The following PRR14L variants were observed in gnomAD, a reference collection of about 807,000 sequenced individuals.
The protein encoded by PRR14L is protein PRR14L.
In PRR14L, 80 loss-of-function variants were observed where a neutral mutation model predicts 155.0. The ratio of observed to expected loss-of-function variants is 0.52; its 90% CI spans 0.43 to 0.62. PRR14L has a LOEUF of 0.62. Among genes scored for constraint, PRR14L ranks in the 20% least tolerant of loss-of-function variants. The probability of loss-of-function intolerance (pLI) is 0.00; values close to 1 mark genes in which losing one functional copy is unlikely to be tolerated. For missense variants in PRR14L, 2,469 were observed against 2,548.0 expected (o/e 0.97, Z 0.67); for synonymous variants, 883 against 916.0 (o/e 0.96, Z 0.65).
intron 1 of PRR14L, among the ~76,000 whole-genome samples, chr22:31,746,857 C>T (rs192165913): frequency 1.3e-5 from 2 of 148,240 alleles, no homozygotes; most frequent in East Asian, 2.0e-4. Flanking sequence ...AGCGCAGTGG[C>T]GCGATCTTGG....
In PRR14L at chr22:31,715,600, C is replaced by G; in HGVS notation, c.2239G>C (p.Ala747Pro). The stretch of plus-strand genomic sequence containing the variant: ...TGTAGAGCTTTTGTTCCTGAATCAG[C>G]CATTTCCTTTTTTCTCTCTAGGCTT... ...PVSLERKKEM[A>P]DSGTKALHSR... Residue 747 changes from alanine to proline, a missense_variant, in exon 4 of 9, where the codon GCT becomes CCT. Physicochemically the swap from Ala to Pro is conservative, Grantham distance 27. Coordinates refer to ENST00000327423, the MANE Select transcript of PRR14L (RefSeq NM_173566.3). The G allele has an allele frequency of 6.4e-7, 1 of 1,552,016 alleles. No individual in the cohort carries two copies. Among genetic ancestry groups the G allele is most frequent in the Non-Finnish European group, 8.7e-7 (1 of 1,147,058 alleles).
At chr22:31,737,663 C>T (rs1465155667) in intron 2 of PRR14L, among the ~76,000 whole-genome samples, 7 of 151,686 alleles carry the variant, frequency 4.6e-5, no homozygotes, top group Admixed American at 1.3e-4. Context: ...TTGAGACCAT[C>T]ACACTATCAT....
rs200338835 is a variant in PRR14L, at chr22:31,728,822, G to C, written c.475-3212C>G. Among the ~76,000 whole-genome samples the C allele has an allele frequency of 3.3e-5, 5 of 151,940 alleles. No homozygotes were observed. The East Asian group carries it at 9.6e-4, about 29-fold the overall frequency. The stretch of plus-strand genomic sequence containing the variant: ...TGTTTACAACATATTCAACCCAGGT[G>C]GATCTACCATTATGGGGAAAAAAAT... On this transcript the variant is annotated intron_variant, in intron 2 of 8. Coordinates refer to ENST00000327423, the MANE Select transcript of PRR14L (RefSeq NM_173566.3).
Position 31,696,145 on chromosome 22 carries a change from AAT to A in PRR14L, c.6107+5509_6107+5510del, listed in dbSNP as rs1491214999. Among the ~76,000 whole-genome samples the A allele has an allele frequency of 1.7e-3, 232 of 135,290 alleles. 1 individual carries two copies. The highest frequency in any genetic ancestry group is 6.4e-3 in the African/African-American group (225 of 34,994). The allele number at this position is 135,290 out of a possible 152,430, so 88.8% of individuals were successfully genotyped here. A position where few individuals can be genotyped will look rare whatever the true frequency, so the allele number is the denominator to read the frequency against. On this transcript the variant is annotated intron_variant, in intron 7 of 8. Transcript: ENST00000327423. Reference sequence around the variant, plus strand: ...ATTTCTATTTTTTCTTTATTATTATAATTTTTTTTTTTTTTAGATGGGGTCTT... The same window carrying A: ...ATTTCTATTTTTTCTTTATTATTATATTTTTTTTTTTTTAGATGGGGTCTT...
rs1324787538 is a variant in PRR14L at position 31,714,676 on chromosome 22, T to C, written c.3163A>G (p.Ile1055Val). The C allele has an allele frequency of 2.6e-6, 4 of 1,552,140 alleles. No individual in the cohort carries two copies. In the East Asian group the frequency reaches 7.3e-5, roughly 28 times the overall value. The change falls in exon 4 of 9, where the codon ATC becomes GTC. Residue 1055 changes from isoleucine to valine, a missense_variant. Ile to Val is a conservative substitution (Grantham distance 29). Transcript: ENST00000327423. ...TTATTACTACAGTCCGTGTAGACGA[T>C]GTCTACCATACCTTCTGTGGACTCA... ...CDESTEGMVD[I>V]VYTDCSNKLA...
At chr22:31,689,869 C>T (rs922498789) in intron 7 of PRR14L, among the ~76,000 whole-genome samples, 6 of 152,180 alleles carry the variant, frequency 3.9e-5, no homozygotes, top group African/African-American at 1.4e-4. Context: ...GCCCAGCCTC[C>T]TCAGTAGCTG....
intron 2 of PRR14L, among the ~76,000 whole-genome samples, 198 bp downstream of exon 2, chr22:31,738,189 T>C (rs2074792711): frequency 6.6e-6 from 1 of 152,234 alleles, no homozygotes. Context: ...GACACTTTTT[T>C]ACTAAGCACT....
At position 31,685,350 on chromosome 22, in the gene PRR14L, T is replaced by C; in HGVS notation, c.*177A>G. 1.7e-6 allele frequency: 1 copy of C among 595,212 alleles called. No homozygotes were observed. The allele number at this position is 595,212 out of a possible 1,614,324, so 36.9% of individuals were successfully genotyped here. A position where few individuals can be genotyped will look rare whatever the true frequency, so the allele number is the denominator to read the frequency against. On this transcript the variant is annotated 3_prime_UTR_variant, in exon 9 of 9. Coordinates refer to ENST00000327423, the MANE Select transcript of PRR14L (RefSeq NM_173566.3). The stretch of plus-strand genomic sequence containing the variant: ...TAGAGGACCCTCCTTCACCAGTTTC[T>C]AAAAAGGTTGCACCTTGAAATAGGT...
intron 1 of PRR14L, among the ~76,000 whole-genome samples, chr22:31,747,708 C>T (rs1601522073): frequency 6.6e-6 from 1 of 150,780 alleles, no homozygotes; most frequent in Non-Finnish European, 1.5e-5. Flanking sequence ...TACTCAACGG[C>T]GTTTGAGGTA....
intron 2 of PRR14L, among the ~76,000 whole-genome samples, chr22:31,736,957 G>C (rs912865738): frequency 7.1e-6 from 1 of 141,546 alleles, no homozygotes; most frequent in Admixed American, 7.6e-5. Flanking sequence ...CGAATTGCTC[G>C]ATCCCAGGAG....
chr22:31,739,371 G>A (rs1182782932), intron 1 of PRR14L, among the ~76,000 whole-genome samples: 1 of 152,166 alleles, frequency 6.6e-6, no homozygotes, highest in Non-Finnish European at 1.5e-5. Flanking sequence ...GAGGAACTCT[G>A]GAAAATTTCA....
In PRR14L at chr22:31,701,693, G is replaced by C. The variant is rs766408808; in HGVS notation, c.6070C>G (p.Pro2024Ala). The change falls in exon 7 of 9, where the codon CCT becomes GCT. Residue 2024 changes from proline (P) to alanine (A), a missense_variant. Physicochemically the swap from Pro to Ala is conservative, Grantham distance 27 (BLOSUM62 -1). This residue lies in a region of PRR14L where 106 missense variants were observed against 176.4 expected (regional missense o/e 0.60). Transcript: ENST00000327423. ...GGAAGGCCCATGGGGGTAAGATTAG[G>C]ATCTGGCCTAGGAATGGTTTTCCGG... ...RIRKTIPRPD[P>A]NLTPMGLPRP... 2 of 1,614,044 alleles carry C rather than the reference G, an allele frequency of 1.2e-6. No homozygotes were observed. The highest frequency in any genetic ancestry group is 1.7e-5 in the Admixed American group (1 of 60,004).
intron 7 of PRR14L, among the ~76,000 whole-genome samples, chr22:31,696,342 T>C (rs1029344276): frequency 6.6e-6 from 1 of 152,140 alleles, no homozygotes; most frequent in African/African-American, 2.4e-5. Flanking sequence ...GGTTTCACCA[T>C]GTTAGCCATG....
At chr22:31,703,399 T>G in intron 6 of PRR14L, 151 bp downstream of exon 6, 8 of 632,622 alleles carry the variant, frequency 1.3e-5, no homozygotes. Flanking sequence ...AGAGAAAAAC[T>G]CCTGGCTTAG....
rs867995167 is a variant in PRR14L at position 31,681,908 on chromosome 22, A to T, written c.*3619T>A. ...GCCACCCACAATGTGGTTATTTAAG[A>T]AGTCCTTTCCATGACACCAGGGGAA... On this transcript the variant is annotated 3_prime_UTR_variant, in exon 9 of 9. Coordinates refer to ENST00000327423, the MANE Select transcript of PRR14L (RefSeq NM_173566.3). 3 of 152,332 alleles carry T rather than the reference A, an allele frequency of 2.0e-5. No homozygotes were observed. The highest frequency in any genetic ancestry group is 3.4e-3 in the Middle Eastern group (1 of 294). 9.4% of individuals were successfully genotyped at this position (152,332 alleles called of 1,614,324 possible).
rs2147863480 is a variant in PRR14L at position 31,713,741 on chromosome 22, G to A, written c.4098C>T (p.Gly1366=). The change falls in exon 4 of 9, where the codon GGC becomes GGT. Residue 1366 remains glycine (G), a synonymous_variant. Transcript: ENST00000327423. ...TCTGAGAGATGTTGCTCACGGGATC[G>A]CCATCGCCAGTTTCTCTGGTAACCA... ...EELVTRETGD[G]DPVSNISQTH... is the part of the protein sequence containing the mutation. 3 of 1,552,252 alleles carry A rather than the reference G, an allele frequency of 1.9e-6. No individual in the cohort carries two copies. Among genetic ancestry groups the A allele is most frequent in the South Asian group, 1.2e-5 (1 of 84,054 alleles).
chr22:31,700,628 C>T (rs1417081499), intron 7 of PRR14L, among the ~76,000 whole-genome samples: 1 of 152,124 alleles, frequency 6.6e-6, no homozygotes, highest in African/African-American at 2.4e-5. Flanking sequence ...ACGATCTCGG[C>T]TCACCGCAAC....
intron 7 of PRR14L, among the ~76,000 whole-genome samples, chr22:31,690,810 T>A (rs1210742510): frequency 5.3e-5 from 8 of 151,062 alleles, no homozygotes; most frequent in African/African-American, 1.9e-4. Flanking sequence ...CCCAGATAAT[T>A]TTTGTATTTT....
rs2074647967 is a variant in PRR14L, at chr22:31,715,012, C to T, written c.2827G>A (p.Asp943Asn). ...VNIPGPEKVL[D>N]QSPTVMFSSF... ...GAGAACATAACAGTAGGAGACTGGTCCAACACTTTTTCAGGACCTGGAATG... is the reference window on the plus strand; with the variant it reads ...GAGAACATAACAGTAGGAGACTGGTTCAACACTTTTTCAGGACCTGGAATG... The change falls in exon 4 of 9, where the codon GAC becomes AAC. Residue 943 changes from aspartate (D) to asparagine (N), a missense_variant. Transcript: ENST00000327423. The T allele has an allele frequency of 6.4e-7, 1 of 1,552,034 alleles. No individual in the cohort carries two copies. The highest frequency in any genetic ancestry group is 1.4e-5 in the African/African-American group (1 of 73,158).
Sources: gnomAD v4.1 joint callset for allele counts (sites outside exome capture counted in the v4.1 genomes callset) on GRCh38, gnomAD v4.1.1 for gene constraint, gnomAD v4.1.1 regional missense constraint, MANE v1.5 for transcripts, NCBI Gene and HGNC (gene_info 2026-07-23, HGNC 2026-07-21) for gene names.